The following VRK3 variants were observed in gnomAD, a reference collection of about 807,000 sequenced individuals.
VRK3 encodes VRK serine/threonine kinase 3.
A neutral mutation model predicts 60.4 loss-of-function variants in VRK3; 50 were observed. The ratio of observed to expected loss-of-function variants is 0.83; its 90% CI spans 0.66 to 1.05. The LOEUF (loss-of-function observed/expected upper bound fraction) is 1.05. Among genes scored for constraint, VRK3 ranks in the 50% least tolerant of loss-of-function variants. The pLI is 0.00. For synonymous variants in VRK3, 246 were observed against 227.8 expected (o/e 1.08, Z -0.72); for missense variants, 549 against 585.3 (o/e 0.94, Z 0.64).
At chr19:50,015,999 AC>A in intron 3 of VRK3, 24 bp downstream of exon 3, 1 of 1,614,060 alleles carries the variant, frequency 6.2e-7, no homozygotes, top group Non-Finnish European at 8.5e-7. Context: ...CACCGCAGAA[AC>A]AGGCTCAATG....
At chr19:49,992,827 G>T in intron 10 of VRK3, 33 bp downstream of exon 10, 1 of 1,598,230 alleles carries the variant, frequency 6.3e-7, no homozygotes. Context: ...TGAGCCCAGA[G>T]ATCTTCCAGA....
chr19:50,023,856 C>T (rs1371809405), intron 1 of VRK3, among the ~76,000 whole-genome samples: 3 of 152,186 alleles, frequency 2.0e-5, no homozygotes, highest in South Asian at 2.1e-4. Flanking sequence ...CTAAAAAAGA[C>T]GTGCCACTTA....
intron 13 of VRK3, among the ~76,000 whole-genome samples, chr19:49,979,688 C>A (rs556559964): frequency 6.6e-6 from 1 of 152,312 alleles, no homozygotes; most frequent in South Asian, 2.1e-4. Flanking sequence ...CCAAGGTTCA[C>A]AGAGGTAGAA....
intron 6 of VRK3, chr19:49,999,551 C>T (rs1202525744): frequency 6.6e-6 from 1 of 152,308 alleles, no homozygotes; most frequent in South Asian, 2.1e-4. Flanking sequence ...AGCCCCTGAC[C>T]TTTCGAATGC....
chr19:49,979,237 G>A lies in VRK3; in HGVS notation c.1282C>T (p.Leu428=). 1 of 1,614,102 alleles carries A rather than the reference G, an allele frequency of 6.2e-7. No homozygotes were observed. The highest frequency in any genetic ancestry group is 2.2e-5 in the East Asian group (1 of 44,870). ...CGHWIRPSET[L]QKYLKVVMAL... is the part of the protein sequence containing the mutation. Reference sequence around the variant, plus strand: ...ATCACCACCTTCAGGTACTTCTGCAGGGTCTCTGTGGTCAAGACAACCCCC... The same window carrying A: ...ATCACCACCTTCAGGTACTTCTGCAAGGTCTCTGTGGTCAAGACAACCCCC... The change falls in exon 14 of 15, where the codon CTG becomes TTG. Residue 428 remains leucine, a synonymous_variant. Transcript: ENST00000316763.
chr19:49,997,348 G>A, intron 7 of VRK3, 156 bp downstream of exon 7: 1 of 697,938 alleles, frequency 1.4e-6, no homozygotes, highest in East Asian at 2.9e-5. Flanking sequence ...TGAGGCCTGA[G>A]GGGTCACAGG....
In VRK3 at chr19:50,004,120, A is replaced by G. The variant is rs113047508; in HGVS notation, c.548-3266T>C. On this transcript the variant is annotated intron_variant, in intron 5 of 14. Coordinates refer to ENST00000316763, the MANE Select transcript of VRK3 (RefSeq NM_016440.4). The stretch of plus-strand genomic sequence containing the variant: ...CACTGGGGTTTGCTATTTTTATCAA[A>G]CAACCTGAGTCATATAAGGGAAAAC... Among the ~76,000 whole-genome samples the G allele has an allele frequency of 1.4e-3, 209 of 152,316 alleles. 1 individual carries two copies. The highest frequency in any genetic ancestry group is 4.8e-3 in the African/African-American group (198 of 41,570).
At position 49,993,021 on chromosome 19, in the gene VRK3, C is replaced by G. The variant is rs551279705; in HGVS notation, c.871-69G>C. 5.0e-4 allele frequency: 588 copies of G among 1,180,470 alleles called. 2 individuals are homozygous for G. The Admixed American group carries it at 0.012, about 24-fold the overall frequency. The allele number at this position is 1,180,470 out of a possible 1,614,324, so 73.1% of individuals were successfully genotyped here. On this transcript the variant is annotated intron_variant, in intron 9 of 14. Coordinates refer to ENST00000316763, the MANE Select transcript of VRK3 (RefSeq NM_016440.4). ...AACACAGAGAGGCTATGGTGCAGAC[C>G]AGGAGGGAGCCCCACTATTAAGGCC...
Position 50,007,664 on chromosome 19 carries a change from G to C in VRK3, c.452C>G (p.Ala151Gly), listed in dbSNP as rs1385305300. The change falls in exon 5 of 15, where the codon GCT (alanine) becomes GGT (glycine). Residue 151 changes from alanine to glycine, a missense_variant. Ala to Gly is a moderately conservative substitution (Grantham distance 60, BLOSUM62 0). Transcript: ENST00000316763. ...TGTCAGCACTGTCCCTGTGGGCAAA[G>C]CTTCAAGTGAGGTGGTCACTCGGCT... The part of the protein sequence containing the change: ...KRSRVTTSLE[A>G]LPTGTVLTDK... The C allele has an allele frequency of 6.2e-7, 1 of 1,614,080 alleles. No individual in the cohort carries two copies. Among genetic ancestry groups the C allele is most frequent in the Non-Finnish European group, 8.5e-7 (1 of 1,180,056 alleles).
rs749694882 is a variant in VRK3, at chr19:50,007,648, T to C, written c.468A>G (p.Thr156=). The change falls in exon 5 of 15, where the codon ACA becomes ACG. Residue 156 remains threonine (T), a synonymous_variant. Transcript: ENST00000316763. ...TTSLEALPTG[T]VLTDKSGRQW... is the part of the protein sequence containing the mutation. ...GTCGCCCACTCTTGTCTGTCAGCACTGTCCCTGTGGGCAAAGCTTCAAGTG... is the reference window on the plus strand; with the variant it reads ...GTCGCCCACTCTTGTCTGTCAGCACCGTCCCTGTGGGCAAAGCTTCAAGTG... The C allele has an allele frequency of 1.2e-6, 2 of 1,614,226 alleles. No homozygotes were observed. Among genetic ancestry groups the C allele is most frequent in the Non-Finnish European group, 1.7e-6 (2 of 1,180,050 alleles).
intron 2 of VRK3, among the ~76,000 whole-genome samples, chr19:50,016,450 G>C (rs751680334): frequency 5.6e-4 from 85 of 152,116 alleles, no homozygotes; most frequent in Non-Finnish European, 1.1e-3. Context: ...TCTCATGGCC[G>C]AGGCAGTTAG....
intron 14 of VRK3, among the ~76,000 whole-genome samples, chr19:49,977,048 T>C (rs2076342422): frequency 6.6e-6 from 1 of 151,908 alleles, no homozygotes; most frequent in Admixed American, 6.6e-5. Context: ...AGCAAGTGGG[T>C]GGGGAGGCAG....
intron 3 of VRK3, among the ~76,000 whole-genome samples, chr19:50,013,054 C>T (rs1208834069): frequency 6.6e-6 from 1 of 151,938 alleles, no homozygotes; most frequent in Non-Finnish European, 1.5e-5. Context: ...GTAGTCCCAG[C>T]TACTCGGGAG....
At chr19:50,001,317 A>G (rs894485413) in intron 5 of VRK3, 1 of 165,776 alleles carries the variant, frequency 6.0e-6, no homozygotes, top group African/African-American at 2.4e-5. Flanking sequence ...TTCCTGGTGG[A>G]CAGTTCCCAT....
chr19:50,012,172 T>G (rs927713716), intron 3 of VRK3, among the ~76,000 whole-genome samples: 1 of 152,106 alleles, frequency 6.6e-6, no homozygotes. Flanking sequence ...GGTTTCTCCA[T>G]GTTGTTTAGG....
chr19:50,015,020 T>G (rs1346610037), intron 3 of VRK3, among the ~76,000 whole-genome samples: 2 of 151,154 alleles, frequency 1.3e-5, no homozygotes, highest in Non-Finnish European at 2.9e-5. Context: ...GCTGAAGGGG[T>G]GGGTGTGTCA....
At chr19:50,000,652 C>A in intron 6 of VRK3, 138 bp downstream of exon 6, 1 of 1,002,562 alleles carries the variant, frequency 1.0e-6, no homozygotes, top group South Asian at 1.5e-5. Flanking sequence ...GCCCCGCCCA[C>A]GGTCTTAATA....
At chr19:50,012,151 A>C (rs1252354337) in intron 3 of VRK3, among the ~76,000 whole-genome samples, 1 of 151,882 alleles carries the variant, frequency 6.6e-6, no homozygotes, top group East Asian at 1.9e-4. Flanking sequence ...TTGTATTTTT[A>C]GCAGAGACAG....
At position 49,976,934 on chromosome 19, in the gene VRK3, C is replaced by A. The variant is rs377579028; in HGVS notation, c.*12-150G>T. ...CATGACCATACGGGATGAGGAGCCC[C>A]TGCTGGGCTTAGGATGAGGAGGAGG... On this transcript the variant is annotated intron_variant, in intron 14 of 14. Coordinates refer to ENST00000316763, the MANE Select transcript of VRK3 (RefSeq NM_016440.4). 1.1e-4 allele frequency: 17 copies of A among 152,388 alleles called. No individual in the cohort carries two copies. The East Asian group carries it at 3.3e-3, about 29-fold the overall frequency. 9.4% of individuals were successfully genotyped at this position (152,388 alleles called of 1,614,324 possible). A position where few individuals can be genotyped will look rare whatever the true frequency, so the allele number is the denominator to read the frequency against.
Sources: gnomAD v4.1 joint callset for allele counts (sites outside exome capture counted in the v4.1 genomes callset) on GRCh38, gnomAD v4.1.1 for gene constraint, MANE v1.5 for transcripts, NCBI Gene and HGNC (gene_info 2026-07-23, HGNC 2026-07-21) for gene names.